The following AMZ1 variants were observed in gnomAD, a reference collection of about 807,000 sequenced individuals.
AMZ1 encodes the protein archaemetzincin-1.
Under a neutral mutation model 29.9 loss-of-function variants are expected in AMZ1, and 39 were observed. That is an observed-to-expected ratio of 1.30 (90% CI 1.01 to 1.70). AMZ1 has a LOEUF of 1.70. Ranked by LOEUF, AMZ1 falls within the 40% of genes most tolerant of loss-of-function variation. The pLI, the probability that AMZ1 is intolerant of heterozygous loss-of-function variation, is 0.00. For synonymous variants in AMZ1, 458 were observed against 304.0 expected, an observed-to-expected ratio of 1.51 and a Z score of -5.27; for missense variants, 1,041 against 680.6, an observed-to-expected ratio of 1.53 and a Z score of -5.89.
rs933722042 is a variant in AMZ1, at chr7:2,715,741, G to A, written c.*2863G>A. 6.6e-6 allele frequency: 1 copy of A among 152,220 alleles called. No individual in the cohort carries two copies. The highest frequency in any genetic ancestry group is 2.1e-4 in the South Asian group (1 of 4,816). The allele number at this position is 152,220 out of a possible 1,614,324, so 9.4% of individuals were successfully genotyped here. A position where few individuals can be genotyped will look rare whatever the true frequency, so the allele number is the denominator to read the frequency against. ...CCCCAGGTTCTGTCTGTGCTGTGGT[G>A]AAGAGTGACTTGGGACAGTCACCAG... On this transcript the variant is annotated 3_prime_UTR_variant, in exon 7 of 7. Coordinates refer to ENST00000683327, the MANE Select transcript of AMZ1 (RefSeq NM_001384743.1).
Position 2,731,005 on chromosome 7 carries a change from A to G in AMZ1, n.550+21189A>G. ...TTCAGTAGCTAACGTGACAGTTTCC[A>G]TGTCCTTTTGCCTAGAGCTCGCTGG... On this transcript the variant is annotated intron_variant and non_coding_transcript_variant, in intron 4 of 4. Coordinates refer to the AMZ1 transcript ENST00000489665. This position sits in a 1 kb window ranked among gnomAD's most constrained non-coding sequence, Gnocchi z 6.0. 1.8e-6 allele frequency: 1 copy of G among 544,606 alleles called. No homozygotes were observed. The highest frequency in any genetic ancestry group is 3.3e-6 in the Non-Finnish European group (1 of 304,552). The allele number at this position is 544,606 out of a possible 1,614,324, so 33.7% of individuals were successfully genotyped here.
At position 2,731,450 on chromosome 7, in the gene AMZ1, G is replaced by C; in HGVS notation, n.550+21634G>C. ...AGGAGGTCCATCTTGTTGAGGAAGA[G>C]AATGATGGAGACGTTGAAGAAGAGC... On this transcript the variant is annotated intron_variant and non_coding_transcript_variant, in intron 4 of 4. Transcript: ENST00000489665. This position sits in a 1 kb window ranked among gnomAD's most constrained non-coding sequence, Gnocchi z 6.0. 1.2e-6 allele frequency: 2 copies of C among 1,613,914 alleles called. No homozygotes were observed. Among genetic ancestry groups the C allele is most frequent in the Non-Finnish European group, 1.7e-6 (2 of 1,179,866 alleles).
In AMZ1 at chr7:2,753,742, T is replaced by A. The variant is rs571571798; in HGVS notation, n.551-10970T>A. ...GGGCTGTATAAGTGTATGTTTAATT[T>A]TTTTTTCCTTTTAATTACATTTATT... On this transcript the variant is annotated intron_variant and non_coding_transcript_variant, in intron 4 of 4. Transcript: ENST00000489665. Among the ~76,000 whole-genome samples the A allele has an allele frequency of 9.7e-4, 148 of 152,316 alleles. 1 individual carries two copies. The highest frequency in any genetic ancestry group is 3.5e-3 in the African/African-American group (147 of 41,560).
At position 2,715,335 on chromosome 7, in the gene AMZ1, G is replaced by T. The variant is rs1032459824; in HGVS notation, c.*2457G>T. 3 of 152,356 alleles carry T rather than the reference G, an allele frequency of 2.0e-5. No homozygotes were observed. Among genetic ancestry groups the T allele is most frequent in the Non-Finnish European group, 4.4e-5 (3 of 68,042 alleles). The allele number at this position is 152,356 out of a possible 1,614,324, so 9.4% of individuals were successfully genotyped here. A position where few individuals can be genotyped will look rare whatever the true frequency, so the allele number is the denominator to read the frequency against. ...GGCGTTCACTGTGGGGATTTGGCTG[G>T]TGCACCTGCGAGGTGGCCTGACCTG... On this transcript the variant is annotated 3_prime_UTR_variant, in exon 7 of 7. Transcript: ENST00000683327.
chr7:2,744,932 A>C (rs1428993728), intron 4 of AMZ1, among the ~76,000 whole-genome samples: 2 of 152,222 alleles, frequency 1.3e-5, no homozygotes. Flanking sequence ...ATGGAAGACA[A>C]AATGAATGAA....
upstream of AMZ1, among the ~76,000 whole-genome samples, chr7:2,686,301 G>A (rs1385189616): frequency 1.3e-5 from 2 of 152,202 alleles, no homozygotes; most frequent in African/African-American, 2.4e-5. Context: ...GGGAGGCCGA[G>A]CTGGGAGGGT....
At chr7:2,704,058 T>G (rs891463596) in intron 3 of AMZ1, among the ~76,000 whole-genome samples, 1 of 152,216 alleles carries the variant, frequency 6.6e-6, no homozygotes, top group African/African-American at 2.4e-5. Flanking sequence ...CCAGCTAATT[T>G]TTTTGTATTT....
At position 2,712,878 on chromosome 7, in the gene AMZ1, G is replaced by A. The variant is rs752316957; in HGVS notation, c.1497G>A (p.Ter499=). ...GTCCCTGGGATGGGGAAGAGAGTTA[G>A]TACAGCAGGGGCTGCCCTACGTCTC... ...APRPWDGEES[*] The change falls in exon 7 of 7, where the codon TAG becomes TAA. Residue 499 remains the stop codon, a stop_retained_variant. Coordinates refer to ENST00000683327, the MANE Select transcript of AMZ1 (RefSeq NM_001384743.1). 2 of 1,516,274 alleles carry A rather than the reference G, an allele frequency of 1.3e-6. No individual in the cohort carries two copies. Among genetic ancestry groups the A allele is most frequent in the Non-Finnish European group, 1.8e-6 (2 of 1,132,248 alleles). 93.9% of individuals were successfully genotyped at this position (1,516,274 alleles called of 1,614,324 possible). A position where few individuals can be genotyped will look rare whatever the true frequency, so the allele number is the denominator to read the frequency against.
chr7:2,703,965 G>A (rs541774621), intron 3 of AMZ1, among the ~76,000 whole-genome samples: 3 of 152,024 alleles, frequency 2.0e-5, no homozygotes, highest in South Asian at 2.1e-4. Flanking sequence ...CTCGGCTCAT[G>A]GCAAGCTCTG....
At chr7:2,687,113 G>A (rs1267774650), upstream of AMZ1, among the ~76,000 whole-genome samples, 1 of 151,994 alleles carries the variant, frequency 6.6e-6, no homozygotes, top group Non-Finnish European at 1.5e-5. Context: ...TGTATCATGA[G>A]GTCAAGAGTT....
At chr7:2,687,959 T>C (rs953969641), upstream of AMZ1, among the ~76,000 whole-genome samples, 1 of 152,190 alleles carries the variant, frequency 6.6e-6, no homozygotes, top group Non-Finnish European at 1.5e-5. Context: ...AGGCACGAAC[T>C]GGCCCGGGCT....
At position 2,702,853 on chromosome 7, in the gene AMZ1, C is replaced by T. The variant is rs775575363; in HGVS notation, c.436C>T (p.Pro146Ser). The part of the protein sequence containing the change: ...AAASIRCSSR[P>S]SRDSDRLQLH... The stretch of plus-strand genomic sequence containing the variant: ...CGCGTCCATCCGCTGCTCCTCGCGG[C>T]CCAGCCGGGACTCTGACAGGCTCCA... Residue 146 changes from proline (P) to serine (S), a missense_variant, in exon 3 of 7, where the codon CCC becomes TCC. Physicochemically the swap from Pro to Ser is moderately conservative, Grantham distance 74. Coordinates refer to ENST00000683327, the MANE Select transcript of AMZ1 (RefSeq NM_001384743.1). The T allele has an allele frequency of 1.5e-5, 23 of 1,585,770 alleles. No individual in the cohort carries two copies. Among genetic ancestry groups the T allele is most frequent in the Middle Eastern group, 1.7e-4 (1 of 6,052 alleles).
At chr7:2,742,659 C>A (rs532912973) in intron 4 of AMZ1, among the ~76,000 whole-genome samples, 1 of 152,172 alleles carries the variant, frequency 6.6e-6, no homozygotes, top group Non-Finnish European at 1.5e-5. Context: ...TCCCTGTCCC[C>A]GCAAACACCT....
At chr7:2,711,111 C>G (rs566845615) in intron 6 of AMZ1, among the ~76,000 whole-genome samples, 1 of 152,330 alleles carries the variant, frequency 6.6e-6, no homozygotes, top group Admixed American at 6.5e-5. Context: ...AGCTCCTCCT[C>G]CTGCCCAGAG....
Position 2,717,896 on chromosome 7 carries a change from A to G in AMZ1, c.*5018A>G, listed in dbSNP as rs1425117771. 2.0e-5 allele frequency among the ~76,000 whole-genome samples: 3 copies of G among 152,196 alleles called. No individual in the cohort carries two copies. Among genetic ancestry groups the G allele is most frequent in the African/African-American group, 7.2e-5 (3 of 41,436 alleles). ...TTCCAAGAAGCGTCCTGGGGTCACC[A>G]CGCGTTCAGTCCAACTCTTCCCCGC... On this transcript the variant is annotated 3_prime_UTR_variant, in exon 7 of 7. Coordinates refer to ENST00000683327, the MANE Select transcript of AMZ1 (RefSeq NM_001384743.1).
intron 4 of AMZ1, among the ~76,000 whole-genome samples, chr7:2,746,213 A>G (rs907661954): frequency 6.6e-6 from 1 of 152,222 alleles, no homozygotes; most frequent in East Asian, 1.9e-4. Context: ...TCAACAGAAT[A>G]TACATTCTTT....
intron 4 of AMZ1, among the ~76,000 whole-genome samples, chr7:2,755,547 G>C (rs1194068935): frequency 6.6e-6 from 1 of 152,118 alleles, no homozygotes; most frequent in African/African-American, 2.4e-5. Flanking sequence ...GTGTCTATTG[G>C]TCATTGTTAG....
rs181575565 is a variant in AMZ1, at chr7:2,714,527, G to A, written c.*1649G>A. 2 of 152,116 alleles carry A rather than the reference G, an allele frequency of 1.3e-5. No individual in the cohort carries two copies. The highest frequency in any genetic ancestry group is 2.9e-5 in the Non-Finnish European group (2 of 67,970). The allele number at this position is 152,116 out of a possible 1,614,324, so 9.4% of individuals were successfully genotyped here. On this transcript the variant is annotated 3_prime_UTR_variant, in exon 7 of 7. Transcript: ENST00000683327. The stretch of plus-strand genomic sequence containing the variant: ...GGGAGATGAAGAGCTAGGCCTTTCA[G>A]AAAGTGACCAATGGAAGGTGCCGGC...
At chr7:2,681,670 T>G (rs900640471) in intron 1 of AMZ1, among the ~76,000 whole-genome samples, 1 of 152,036 alleles carries the variant, frequency 6.6e-6, no homozygotes, top group Non-Finnish European at 1.5e-5. Flanking sequence ...TGCAGGGAGA[T>G]GTCATTGGAG....
Sources: allele counts gnomAD v4.1 joint callset (sites outside exome capture counted in the v4.1 genomes callset), GRCh38; gene constraint gnomAD v4.1.1; non-coding constraint Gnocchi (gnomAD v3.1); transcripts MANE v1.5; gene names NCBI Gene and HGNC (gene_info 2026-07-23, HGNC 2026-07-21).